The following NAA35 variants were observed in gnomAD, a reference collection of about 807,000 sequenced individuals.
The protein encoded by NAA35 is N-alpha-acetyltransferase 35, NatC auxiliary subunit, also known as MAK10 homolog, amino-acid N-acetyltransferase subunit.
NAA35 carries 18 observed loss-of-function variants against 101.7 expected under a neutral mutation model. The observed-to-expected ratio is 0.18, with a 90% confidence interval of 0.12 to 0.26. The LOEUF is 0.26. Ranked by LOEUF, NAA35 falls within the 10% of genes least tolerant of loss-of-function variation. NAA35 has a pLI of 1.00. For synonymous variants in NAA35, 267 were observed against 273.1 expected, an observed-to-expected ratio of 0.98 and a Z score of 0.22; for missense variants, 601 against 886.8, an observed-to-expected ratio of 0.68 and a Z score of 4.09.
chr9:86,021,096 G>T, intron 22 of NAA35, 127 bp downstream of exon 22: 1 of 630,840 alleles, frequency 1.6e-6, no homozygotes. Context: ...AAAAATTTTA[G>T]TTCAGCAGCA....
At chr9:85,985,304 A>T (rs1830601313) in intron 11 of NAA35, among the ~76,000 whole-genome samples, 1 of 152,252 alleles carries the variant, frequency 6.6e-6, no homozygotes, top group Non-Finnish European at 1.5e-5. Flanking sequence ...AAAGTTATAC[A>T]CTAATGCTCA....
chr9:86,013,211 A>G (rs1832035220), intron 16 of NAA35, 67 bp downstream of exon 16: 1 of 980,874 alleles, frequency 1.0e-6, no homozygotes, highest in Admixed American at 2.4e-5. Context: ...ATTTTTAAAA[A>G]CAATAATTCA....
At chr9:85,949,159 A>G (rs1053931323) in intron 2 of NAA35, among the ~76,000 whole-genome samples, 11 of 152,172 alleles carry the variant, frequency 7.2e-5, no homozygotes, top group African/African-American at 2.4e-4. Flanking sequence ...CTTCAGTTCT[A>G]GGAAGCATCC....
chr9:85,944,783 T>C (rs535085743), intron 2 of NAA35, among the ~76,000 whole-genome samples: 87 of 152,304 alleles, frequency 5.7e-4, no homozygotes, highest in African/African-American at 2.1e-3. Context: ...ATGTTAAAGA[T>C]CTTTTGCTTC....
At chr9:86,006,565 C>A (rs1000140533) in intron 13 of NAA35, among the ~76,000 whole-genome samples, 2 of 152,130 alleles carry the variant, frequency 1.3e-5, no homozygotes, top group Non-Finnish European at 2.9e-5. Context: ...TATATGATTT[C>A]GTTTTAATGA....
At position 85,956,842 on chromosome 9, in the gene NAA35, T is replaced by TG. The variant is rs1231966670; in HGVS notation, c.158+451dup. Among the ~76,000 whole-genome samples the TG allele has an allele frequency of 5.9e-5, 9 of 152,310 alleles. No individual in the cohort carries two copies. The East Asian group carries it at 1.5e-3, about 26-fold the overall frequency. On this transcript the variant is annotated intron_variant, in intron 3 of 22. Coordinates refer to ENST00000361671, the MANE Select transcript of NAA35 (RefSeq NM_024635.4). ...TTATTTGGCATACAATTCTGATGAC[T>TG]GGAAGGTTCAAGACTGGGCAACTGC...
rs113859268 is a variant in NAA35 at position 86,023,703 on chromosome 9, G to A, written c.*1743G>A. ...TCTGATTGGGTCTGCTGGTATAGAC[G>A]AGCATCTAGGTTATTTTGAAGTAGG... is the stretch of plus-strand genomic sequence containing the variant. On this transcript the variant is annotated 3_prime_UTR_variant, in exon 23 of 23. Transcript: ENST00000361671. Among the ~76,000 whole-genome samples the A allele has an allele frequency of 2.5e-4, 38 of 152,298 alleles. No individual in the cohort carries two copies. The highest frequency in any genetic ancestry group is 8.9e-4 in the African/African-American group (37 of 41,558).
chr9:85,966,700 A>G, intron 6 of NAA35: 1 of 1,099,278 alleles, frequency 9.1e-7, no homozygotes, highest in Non-Finnish European at 1.2e-6. Context: ...TGTTTTTACT[A>G]GTATACATTA....
At position 86,003,665 on chromosome 9, in the gene NAA35, A is replaced by G. The variant is rs145487613; in HGVS notation, c.1116+21A>G. 1,168 of 1,452,962 alleles carry G rather than the reference A, an allele frequency of 8.0e-4. 7 individuals are homozygous for G. Among genetic ancestry groups the G allele is most frequent in the African/African-American group, 4.3e-3 (305 of 71,448 alleles). The allele number at this position is 1,452,962 out of a possible 1,614,324, so 90.0% of individuals were successfully genotyped here. On this transcript the variant is annotated intron_variant, in intron 13 of 22. Transcript: ENST00000361671. The stretch of plus-strand genomic sequence containing the variant: ...TACAAGTAAGTTCCACTTAGTATCA[A>G]AATACTTATTTAAACATTATATGTG...
intron 22 of NAA35, 147 bp from the exon 23 acceptor site, chr9:86,021,754 T>G: frequency 4.6e-6 from 3 of 653,040 alleles, no homozygotes; most frequent in Non-Finnish European, 7.7e-6. Context: ...TTCCTACCTT[T>G]TTTGTCATTA....
At chr9:86,005,702 A>G (rs1831605143) in intron 13 of NAA35, among the ~76,000 whole-genome samples, 1 of 150,790 alleles carries the variant, frequency 6.6e-6, no homozygotes, top group African/African-American at 2.4e-5. Context: ...TGGTAGATCA[A>G]AATTTTAAAA....
rs190075036 is a variant in NAA35 at position 85,952,055 on chromosome 9, A to T, written c.125-4305A>T. Among the ~76,000 whole-genome samples, 237 of 152,296 alleles carry T rather than the reference A, an allele frequency of 1.6e-3. 1 individual carries two copies. Among genetic ancestry groups the T allele is most frequent in the African/African-American group, 5.2e-3 (218 of 41,538 alleles). ...ACAGAAAGCTCTTCTAAGTATTGGG[A>T]AATTGTTAGACTTACAGTGGCAGAT... On this transcript the variant is annotated intron_variant, in intron 2 of 22. Coordinates refer to ENST00000361671, the MANE Select transcript of NAA35 (RefSeq NM_024635.4).
At chr9:86,003,690 G>C (rs748250181) in intron 13 of NAA35, 46 bp downstream of exon 13, 1 of 1,118,776 alleles carries the variant, frequency 8.9e-7, no homozygotes, top group South Asian at 1.5e-5. Context: ...CATTATATGT[G>C]TATTGACATT....
chr9:86,017,989 C>CA (rs1329962841), intron 19 of NAA35, among the ~76,000 whole-genome samples: 1 of 152,170 alleles, frequency 6.6e-6, no homozygotes, highest in Non-Finnish European at 1.5e-5. Context: ...CAGGTCTTTT[C>CA]AAAAGGCAGT....
intron 12 of NAA35, among the ~76,000 whole-genome samples, chr9:85,997,049 C>T (rs954523205): frequency 1.3e-5 from 2 of 151,992 alleles, no homozygotes; most frequent in Non-Finnish European, 2.9e-5. Flanking sequence ...CTTCTCGGCT[C>T]AAGCAATCCT....
intron 17 of NAA35, among the ~76,000 whole-genome samples, chr9:86,014,937 G>A (rs1214833918): frequency 3.9e-5 from 6 of 152,030 alleles, no homozygotes; most frequent in Non-Finnish European, 8.8e-5. Flanking sequence ...TTTTGTTTTC[G>A]TTTCTGTTTT....
chr9:86,000,005 G>A (rs1831347042), intron 12 of NAA35, among the ~76,000 whole-genome samples: 2 of 152,060 alleles, frequency 1.3e-5, no homozygotes, highest in Non-Finnish European at 2.9e-5. Flanking sequence ...GAGGGTACAT[G>A]TGAAGGTTTC....
chr9:85,977,408 G>T lies in NAA35; in HGVS notation c.724G>T (p.Val242Leu), dbSNP rs1392754201. 6.2e-7 allele frequency: 1 copy of T among 1,612,222 alleles called. No individual in the cohort carries two copies. The highest frequency in any genetic ancestry group is 1.7e-5 in the Admixed American group (1 of 59,982). ...ATTCAGCAGAGTGAAATTTACTCGT[G>T]TGTTACTGACAGTGCTTATAGCCTT... is the stretch of plus-strand genomic sequence containing the variant. Reference protein sequence around the residue: ...AVFSRVKFTRVLLTVLIAFTK... With the variant: ...AVFSRVKFTRLLLTVLIAFTK... The change falls in exon 10 of 23, where the codon GTG becomes TTG. Residue 242 changes from valine (V) to leucine (L), a missense_variant. Around this residue, in one of 8 missense-constraint regions of NAA35, gnomAD observed 86 missense variants for 169.4 expected, o/e 0.51. Coordinates refer to ENST00000361671, the MANE Select transcript of NAA35 (RefSeq NM_024635.4).
At chr9:85,942,309 T>G in intron 2 of NAA35, 26 bp downstream of exon 2, 1 of 1,611,034 alleles carries the variant, frequency 6.2e-7, no homozygotes, top group Non-Finnish European at 8.5e-7. Context: ...GGATTAGAAG[T>G]TCAGCATCTG....
Sources: allele counts gnomAD v4.1 joint callset (sites outside exome capture counted in the v4.1 genomes callset), GRCh38; gene constraint gnomAD v4.1.1; regional missense constraint gnomAD v4.1.1; transcripts MANE v1.5; gene names NCBI Gene and HGNC (gene_info 2026-07-23, HGNC 2026-07-21).